Variants in ADD1 observed in about 807,000 individuals in gnomAD.
ADD1 encodes adducin 1.
ADD1 carries 24 observed loss-of-function variants against 80.5 expected under a neutral mutation model. That is an observed-to-expected ratio of 0.30 (90% CI 0.22 to 0.42). The LOEUF (loss-of-function observed/expected upper bound fraction) is 0.42, where lower values mean the gene tolerates loss of function less well. Among genes scored for constraint, ADD1 ranks in the 10% least tolerant of loss-of-function variants. The pLI is 1.00. For missense variants in ADD1, 948 were observed against 1,019.0 expected, an observed-to-expected ratio of 0.93 and a Z score of 0.95; for synonymous variants, 373 against 393.8, an observed-to-expected ratio of 0.95 and a Z score of 0.63.
In ADD1 at chr4:2,903,989, A is replaced by T. The variant is rs901973025; in HGVS notation, c.1162-775A>T. Among the ~76,000 whole-genome samples the T allele has an allele frequency of 3.3e-5, 5 of 152,206 alleles. No individual in the cohort carries two copies. In the East Asian group the frequency reaches 9.6e-4, roughly 29 times the overall value. ...GTAATTTTGCTGAGAACCAGTTGTCATGAGGTATACTTACTTACCTTACTT... is the reference window on the plus strand; with the variant it reads ...GTAATTTTGCTGAGAACCAGTTGTCTTGAGGTATACTTACTTACCTTACTT... On this transcript the variant is annotated intron_variant, in intron 9 of 15. Coordinates refer to ENST00000683351, the MANE Select transcript of ADD1 (RefSeq NM_001354761.2).
intron 13 of ADD1, among the ~76,000 whole-genome samples, chr4:2,910,886 A>G (rs900401418): frequency 6.6e-6 from 1 of 152,224 alleles, no homozygotes; most frequent in East Asian, 1.9e-4. Flanking sequence ...CCACCTGGAC[A>G]GAAATCCTTG....
At chr4:2,884,804 A>C in intron 4 of ADD1, 138 bp downstream of exon 4, 1 of 1,055,480 alleles carries the variant, frequency 9.5e-7, no homozygotes. Context: ...TCCTGACTAC[A>C]GAGTGTAATA....
intron 1 of ADD1, among the ~76,000 whole-genome samples, chr4:2,845,389 T>C (rs1726047986): frequency 6.6e-6 from 1 of 152,236 alleles, no homozygotes; most frequent in African/African-American, 2.4e-5. Flanking sequence ...AATTTTAATA[T>C]ACTCCTTTGA....
At chr4:2,844,175 C>G (rs1284172188) in intron 1 of ADD1, 151 bp downstream of exon 1, 1 of 150,362 alleles carries the variant, frequency 6.7e-6, no homozygotes, top group Non-Finnish European at 1.5e-5. Flanking sequence ...GCTGCGGCGC[C>G]GAGGGCGTCT....
chr4:2,855,546 C>G (rs1727927407), intron 1 of ADD1, among the ~76,000 whole-genome samples: 1 of 151,246 alleles, frequency 6.6e-6, no homozygotes, highest in Non-Finnish European at 1.5e-5. Flanking sequence ...TGTCGCCCTC[C>G]TAGATACAGC....
In ADD1 at chr4:2,904,745, C is replaced by G; in HGVS notation, c.1162-19C>G. On this transcript the variant is annotated intron_variant, in intron 9 of 15. Transcript: ENST00000683351. The stretch of plus-strand genomic sequence containing the variant: ...GAGATCTGGAATATTGACTGTCTTT[C>G]ACTCTCCTTGGACCCTAGGGCTACA... 6.3e-7 allele frequency: 1 copy of G among 1,594,938 alleles called. No homozygotes were observed.
intron 1 of ADD1, among the ~76,000 whole-genome samples, chr4:2,865,422 A>G (rs1270168222): frequency 2.0e-5 from 3 of 152,248 alleles, no homozygotes; most frequent in Admixed American, 1.3e-4. Flanking sequence ...TTAATGAAGT[A>G]TCTCATGTCT....
At chr4:2,920,549 CTTG>C (rs1287893506) in intron 14 of ADD1, among the ~76,000 whole-genome samples, 3 of 151,674 alleles carry the variant, frequency 2.0e-5, no homozygotes, top group Non-Finnish European at 4.4e-5. Flanking sequence ...ATAGTTAGTT[CTTG>C]TTGTTGCATT....
chr4:2,879,824 C>A (rs1342525916), intron 2 of ADD1, among the ~76,000 whole-genome samples: 1 of 152,138 alleles, frequency 6.6e-6, no homozygotes, highest in Admixed American at 6.6e-5. Flanking sequence ...AAGTGATTCT[C>A]CTGCCTCAGC....
At chr4:2,872,761 A>G (rs1421486496) in intron 1 of ADD1, among the ~76,000 whole-genome samples, 1 of 152,028 alleles carries the variant, frequency 6.6e-6, no homozygotes, top group Non-Finnish European at 1.5e-5. Context: ...AGTCTTTACT[A>G]TGTAAGCTAG....
intron 9 of ADD1, chr4:2,901,412 G>A (rs1012564264): frequency 1.3e-5 from 2 of 152,144 alleles, no homozygotes; most frequent in African/African-American, 4.8e-5. Context: ...GATTTGGTAG[G>A]GAAGGAAGAT....
At chr4:2,898,564 T>TTATTTAGATGTGTC in intron 8 of ADD1, 33 bp downstream of exon 8, 1 of 1,574,536 alleles carries the variant, frequency 6.4e-7, no homozygotes, top group Non-Finnish European at 8.7e-7. Flanking sequence ...ACTCTGCAGT[T>TTATTTAGATGTGTC]TATTTAGATG....
intron 13 of ADD1, among the ~76,000 whole-genome samples, chr4:2,910,557 C>G (rs1167294050): frequency 6.6e-6 from 1 of 152,116 alleles, no homozygotes; most frequent in Non-Finnish European, 1.5e-5. Flanking sequence ...TATTCTTTCT[C>G]TCAGGTGTGT....
chr4:2,885,852 C>T (rs754503263), intron 4 of ADD1, among the ~76,000 whole-genome samples: 84 of 151,864 alleles, frequency 5.5e-4, no homozygotes, highest in Non-Finnish European at 6.6e-4. Flanking sequence ...CCTTGTGATC[C>T]GCCCGCCTTG....
chr4:2,907,959 A>G, intron 11 of ADD1, 115 bp downstream of exon 11: 1 of 788,156 alleles, frequency 1.3e-6, no homozygotes. Flanking sequence ...TGTTGTTGCC[A>G]CTGTTGCAGT....
At chr4:2,882,960 C>T (rs1366795749) in intron 3 of ADD1, among the ~76,000 whole-genome samples, 1 of 152,134 alleles carries the variant, frequency 6.6e-6, no homozygotes, top group Non-Finnish European at 1.5e-5. Flanking sequence ...CTCCCAGGTT[C>T]AAGCTGTTCT....
chr4:2,895,758 C>T (rs1439710394), intron 6 of ADD1, among the ~76,000 whole-genome samples: 4 of 152,176 alleles, frequency 2.6e-5, no homozygotes, highest in South Asian at 2.1e-4. Context: ...TGAAAGTGCA[C>T]GTGCAGGCTA....
chr4:2,859,444 C>A (rs549378305), intron 1 of ADD1, among the ~76,000 whole-genome samples: 1 of 152,050 alleles, frequency 6.6e-6, no homozygotes, highest in East Asian at 1.9e-4. Context: ...ATAAATACAT[C>A]AAGATCTCAA....
At chr4:2,911,449 T>TATATATATATATATA (rs1553848841) in intron 13 of ADD1, among the ~76,000 whole-genome samples, 2 of 92,586 alleles carry the variant, frequency 2.2e-5, no homozygotes, top group African/African-American at 3.8e-5. Context: ...TATATATATA[T>TATATATATATATATA]TTTTTTTTTT....
Sources: allele counts gnomAD v4.1 joint callset (sites outside exome capture counted in the v4.1 genomes callset), GRCh38; gene constraint gnomAD v4.1.1; transcripts MANE v1.5; gene names NCBI Gene and HGNC (gene_info 2026-07-23, HGNC 2026-07-21).